MAP2K5: variants seen among roughly 807,000 people sequenced by gnomAD.
MAP2K5 encodes mitogen-activated protein kinase kinase 5, also known as dual specificity mitogen-activated protein kinase kinase 5.
In MAP2K5, 49 loss-of-function variants were observed where a neutral mutation model predicts 83.1. That is an observed-to-expected ratio of 0.59 (90% CI 0.47 to 0.75). The LOEUF is 0.75. Among genes scored for constraint, MAP2K5 ranks in the 30% least tolerant of loss-of-function variants. The probability of loss-of-function intolerance (pLI) is 0.00; values close to 1 mark genes in which losing one functional copy is unlikely to be tolerated. For synonymous variants in MAP2K5, 202 were observed against 191.8 expected (o/e 1.05, Z -0.44); for missense variants, 457 against 557.5 (o/e 0.82, Z 1.82).
chr15:67,561,044 A>T lies in MAP2K5; in HGVS notation c.185-2239A>T, dbSNP rs1036324121. 6.6e-6 allele frequency among the ~76,000 whole-genome samples: 1 copy of T among 152,206 alleles called. No individual in the cohort carries two copies. The highest frequency in any genetic ancestry group is 2.4e-5 in the African/African-American group (1 of 41,446). On this transcript the variant is annotated intron_variant, in intron 2 of 21. Transcript: ENST00000178640. This position sits in a 1 kb window ranked among gnomAD's most constrained non-coding sequence, Gnocchi z 4.2. ...ATTCAAATATAAGCAGTCTCTTTTT[A>T]ACCATAATCTCTATAGCTAGCTTAG... is the stretch of plus-strand genomic sequence containing the variant.
intron 15 of MAP2K5, among the ~76,000 whole-genome samples, chr15:67,701,809 A>G (rs1036526407): frequency 2.0e-5 from 3 of 152,204 alleles, no homozygotes; most frequent in Non-Finnish European, 4.4e-5. Context: ...CTGCACATTG[A>G]GAAATACTGA....
rs1049403554 is a variant in MAP2K5, at chr15:67,574,712, C to T, written c.253-6042C>T. Among the ~76,000 whole-genome samples, 4 of 151,868 alleles carry T rather than the reference C, an allele frequency of 2.6e-5. No homozygotes were observed. In the South Asian group the frequency reaches 8.3e-4, roughly 32 times the overall value. ...GGAAACCCCGTCTCTACTAAAAATA[C>T]AAAAATTAGCTGGGCGTGGTGTCGG... is the stretch of plus-strand genomic sequence containing the variant. On this transcript the variant is annotated intron_variant, in intron 3 of 21. Coordinates refer to ENST00000178640, the MANE Select transcript of MAP2K5 (RefSeq NM_145160.3).
intron 21 of MAP2K5, among the ~76,000 whole-genome samples, chr15:67,796,662 C>T (rs755921213): frequency 2.6e-5 from 4 of 151,968 alleles, no homozygotes; most frequent in South Asian, 2.1e-4. Context: ...TTAACATATC[C>T]GGTTTTTTCC....
At chr15:67,772,812 T>C (rs1479796997) in intron 21 of MAP2K5, 60 bp downstream of exon 21, 37 of 1,392,878 alleles carry the variant, frequency 2.7e-5, no homozygotes, top group Admixed American at 6.0e-5. Context: ...TTTAACATTC[T>C]GTTTAAAAGT....
intron 16 of MAP2K5, among the ~76,000 whole-genome samples, chr15:67,713,697 C>T (rs1002270542): frequency 1.6e-4 from 25 of 151,756 alleles, no homozygotes; most frequent in African/African-American, 5.1e-4. Flanking sequence ...GATCACGCCA[C>T]TGCACTCCAG....
rs560500759 is a variant in MAP2K5 at position 67,782,442 on chromosome 15, C to A, written c.1242+9690C>A. Among the ~76,000 whole-genome samples the A allele has an allele frequency of 5.3e-5, 8 of 152,310 alleles. No homozygotes were observed. Among genetic ancestry groups the A allele is most frequent in the African/African-American group, 1.9e-4 (8 of 41,570 alleles). On this transcript the variant is annotated intron_variant, in intron 21 of 21. Coordinates refer to ENST00000178640, the MANE Select transcript of MAP2K5 (RefSeq NM_145160.3). This position sits in a 1 kb window ranked among gnomAD's most constrained non-coding sequence, Gnocchi z 4.9. The stretch of plus-strand genomic sequence containing the variant: ...TCGATTTTTGTCTTGTTTACACTTT[C>A]AAACCCCTGTGATATACTGGAAGGC...
intron 3 of MAP2K5, among the ~76,000 whole-genome samples, chr15:67,567,474 C>T (rs1161890855): frequency 1.3e-5 from 2 of 151,620 alleles, no homozygotes; most frequent in South Asian, 2.1e-4. Flanking sequence ...ACGCCATTCT[C>T]CTGCCTCAGC....
intron 13 of MAP2K5, among the ~76,000 whole-genome samples, chr15:67,684,610 A>G (rs1057357398): frequency 6.6e-6 from 1 of 152,194 alleles, no homozygotes; most frequent in Non-Finnish European, 1.5e-5. Flanking sequence ...ATAACCGGGA[A>G]AAAATCAATC....
intron 19 of MAP2K5, among the ~76,000 whole-genome samples, chr15:67,765,314 G>A (rs574128410): frequency 1.3e-5 from 2 of 152,302 alleles, no homozygotes; most frequent in South Asian, 2.1e-4. Flanking sequence ...AGCCAAGATC[G>A]TGCCACTGCA....
chr15:67,730,846 A>G (rs2089203552), intron 17 of MAP2K5, among the ~76,000 whole-genome samples: 1 of 152,208 alleles, frequency 6.6e-6, no homozygotes, highest in Admixed American at 6.5e-5. Flanking sequence ...GCCCTGGACC[A>G]TGAGCCAGAG....
Position 67,585,891 on chromosome 15 carries a change from C to G in MAP2K5, c.324C>G (p.Ala108=). ...CAATTTAGTCAATTACTGTTTCAGC[C>G]TGCAAGCCTCCTGGGGAACGGAACA... is the stretch of plus-strand genomic sequence containing the variant. ...LIEPLQIFPR[A]CKPPGERNIH... Residue 108 remains alanine (A), a splice_region_variant and synonymous_variant, in exon 5 of 22, where the codon GCC becomes GCG. Transcript: ENST00000178640. 1.9e-6 allele frequency: 3 copies of G among 1,613,778 alleles called. No homozygotes were observed. Among genetic ancestry groups the G allele is most frequent in the Non-Finnish European group, 2.5e-6 (3 of 1,179,722 alleles).
intron 8 of MAP2K5, among the ~76,000 whole-genome samples, chr15:67,627,074 G>A (rs2086342818): frequency 6.6e-6 from 1 of 152,020 alleles, no homozygotes; most frequent in South Asian, 2.1e-4. Flanking sequence ...CCTACAGGGG[G>A]ACTATAGAGG....
chr15:67,584,908 G>T (rs370054520), intron 4 of MAP2K5, among the ~76,000 whole-genome samples: 17 of 151,434 alleles, frequency 1.1e-4, no homozygotes, highest in African/African-American at 4.1e-4. Flanking sequence ...ATATTGGCCA[G>T]GTTGGTCTTG....
At chr15:67,765,269 G>T (rs1318658453) in intron 19 of MAP2K5, among the ~76,000 whole-genome samples, 1 of 152,222 alleles carries the variant, frequency 6.6e-6, no homozygotes. Flanking sequence ...TAAGGCAGGA[G>T]AATCACTTGA....
intron 8 of MAP2K5, among the ~76,000 whole-genome samples, chr15:67,609,495 ATAGATT>A (rs2085862686): frequency 7.0e-6 from 1 of 143,610 alleles, no homozygotes; most frequent in African/African-American, 2.8e-5. Context: ...CTATAGGTCT[ATAGATT>A]CTGTAGACCT....
At chr15:67,753,113 AAT>A (rs1214536066) in intron 19 of MAP2K5, among the ~76,000 whole-genome samples, 1 of 152,224 alleles carries the variant, frequency 6.6e-6, no homozygotes, top group Non-Finnish European at 1.5e-5. Flanking sequence ...CTTTTCAACA[AAT>A]GGTGCTGGGA....
intron 12 of MAP2K5, among the ~76,000 whole-genome samples, chr15:67,660,755 G>A (rs764915171): frequency 3.9e-5 from 6 of 151,986 alleles, no homozygotes; most frequent in Non-Finnish European, 7.4e-5. Flanking sequence ...GATGAGGTTT[G>A]GAAAAGTTAA....
In MAP2K5 at chr15:67,676,130, G is replaced by A. The variant is rs1596774309; in HGVS notation, c.847+11485G>A. On this transcript the variant is annotated intron_variant, in intron 13 of 21. Transcript: ENST00000178640. The surrounding 1 kb of genome is among the most constrained non-coding windows in gnomAD (Gnocchi z 4.8). Reference sequence around the variant, plus strand: ...CCCAGCAAGATGCCCCCAGTGTGTGGATGAGTGTTTGATTCACCAAGCCCC... The same window carrying A: ...CCCAGCAAGATGCCCCCAGTGTGTGAATGAGTGTTTGATTCACCAAGCCCC... 6.6e-6 allele frequency among the ~76,000 whole-genome samples: 1 copy of A among 151,934 alleles called. No homozygotes were observed. Among genetic ancestry groups the A allele is most frequent in the Admixed American group, 6.5e-5 (1 of 15,270 alleles).
At chr15:67,715,271 A>C (rs1318115540) in intron 16 of MAP2K5, among the ~76,000 whole-genome samples, 6 of 151,928 alleles carry the variant, frequency 3.9e-5, no homozygotes, top group Admixed American at 3.9e-4. Flanking sequence ...AACTTAATGC[A>C]AAAGGAGCTG....
Sources: allele counts gnomAD v4.1 joint callset (sites outside exome capture counted in the v4.1 genomes callset), GRCh38; gene constraint gnomAD v4.1.1; non-coding constraint Gnocchi (gnomAD v3.1); transcripts MANE v1.5; gene names NCBI Gene and HGNC (gene_info 2026-07-23, HGNC 2026-07-21).